CELF2: variants seen among roughly 807,000 people sequenced by gnomAD.
CELF2 encodes CUGBP Elav-like family member 2.
In CELF2, 8 loss-of-function variants were observed where a neutral mutation model predicts 62.6. That is an observed-to-expected ratio of 0.13 (90% confidence interval 0.07 to 0.23). The LOEUF (loss-of-function observed/expected upper bound fraction) is 0.23, where lower values mean the gene tolerates loss of function less well. Ranked by LOEUF, CELF2 falls within the 10% of genes least tolerant of loss-of-function variation. CELF2 has a pLI of 1.00. For synonymous variants in CELF2, 258 were observed against 250.0 expected, an observed-to-expected ratio of 1.03 and a Z score of -0.30; for missense variants, 333 against 671.0, an observed-to-expected ratio of 0.50 and a Z score of 5.56.
chr10:10,482,245 T>C, the CELF2 span, among the ~76,000 whole-genome samples: 1 of 152,220 alleles, frequency 6.6e-6, no homozygotes, highest in African/African-American at 2.4e-5. Context: ...GGTATGTTTT[T>C]TGCAACATTA....
intron 2 of CELF2, chr10:10,944,464 G>A (rs1007078485): frequency 6.6e-6 from 1 of 152,378 alleles, no homozygotes; most frequent in African/African-American, 2.4e-5. Flanking sequence ...GGGTGGAGTG[G>A]ATTTGAAATG....
Position 11,296,666 on chromosome 10 carries a change from T to C in CELF2, c.976+8114T>C, listed in dbSNP as rs528764866. 7.8e-4 allele frequency among the ~76,000 whole-genome samples: 118 copies of C among 152,132 alleles called. No homozygotes were observed. Among genetic ancestry groups the C allele is most frequent in the African/African-American group, 2.7e-3 (114 of 41,510 alleles). On this transcript the variant is annotated intron_variant, in intron 9 of 12. Coordinates refer to ENST00000633077, the MANE Select transcript of CELF2 (RefSeq NM_001326342.2). The surrounding 1 kb of genome is among the most constrained non-coding windows in gnomAD (Gnocchi z 5.0). ...ACCCGTCACCATCAACTAGATGCAT[T>C]GGCCACCTACAAACACAAGCAAAAT...
intron 3 of CELF2, among the ~76,000 whole-genome samples, chr10:11,218,422 C>T (rs2063889557): frequency 6.6e-6 from 1 of 152,176 alleles, no homozygotes. Context: ...ACACAAACAC[C>T]TCTGTGTATA....
chr10:11,299,627 A>G (rs1311726941), intron 9 of CELF2, among the ~76,000 whole-genome samples: 1 of 152,126 alleles, frequency 6.6e-6, no homozygotes, highest in Non-Finnish European at 1.5e-5. Context: ...CTCTTTTGTG[A>G]TCCACGTGAG....
chr10:10,913,539 T>C (rs1482265372), intron 1 of CELF2, among the ~76,000 whole-genome samples: 1 of 135,548 alleles, frequency 7.4e-6, no homozygotes, highest in Non-Finnish European at 1.5e-5. Context: ...TACAGGCATG[T>C]GCCACTACGC....
At chr10:11,201,952 C>T (rs554375861) in intron 2 of CELF2, among the ~76,000 whole-genome samples, 27 of 143,788 alleles carry the variant, frequency 1.9e-4, no homozygotes, top group Admixed American at 3.7e-4. Flanking sequence ...GTGGTGGACT[C>T]GGTGGTGAAA....
intron 2 of CELF2, among the ~76,000 whole-genome samples, chr10:11,212,740 T>TTG (rs1424761337): frequency 7.5e-6 from 1 of 134,184 alleles, no homozygotes; most frequent in East Asian, 2.0e-4. Flanking sequence ...GTTTTGGGTT[T>TTG]TTTTTTTTTT....
the CELF2 span, among the ~76,000 whole-genome samples, chr10:10,698,331 G>A: frequency 6.6e-5 from 10 of 152,244 alleles, 1 homozygote; most frequent in East Asian, 1.9e-3. Context: ...CTTTATGCAG[G>A]CGAACTGACT....
intron 3 of CELF2, among the ~76,000 whole-genome samples, chr10:11,221,710 T>C (rs2064934520): frequency 6.6e-6 from 1 of 152,242 alleles, no homozygotes; most frequent in Non-Finnish European, 1.5e-5. Flanking sequence ...GGAATCTAAA[T>C]GTCTTGTAAA....
chr10:11,080,015 C>T (rs1388699834), intron 1 of CELF2, among the ~76,000 whole-genome samples: 3 of 152,124 alleles, frequency 2.0e-5, no homozygotes, highest in African/African-American at 7.2e-5. Context: ...TTGTGAATTG[C>T]TCTCCGGTTT....
chr10:11,017,510 A>C (rs1233647558), upstream of CELF2, among the ~76,000 whole-genome samples: 1 of 152,150 alleles, frequency 6.6e-6, no homozygotes, highest in Non-Finnish European at 1.5e-5. The surrounding 1 kb of genome is among the most constrained non-coding windows in gnomAD (Gnocchi z 5.5). Flanking sequence ...TGCCCGGGCA[A>C]GCACACCACA....
the CELF2 span, among the ~76,000 whole-genome samples, chr10:10,561,103 C>T: frequency 6.6e-6 from 1 of 152,022 alleles, no homozygotes; most frequent in African/African-American, 2.4e-5. Context: ...CAGGCTCTCA[C>T]AAATATCCAC....
At chr10:10,531,831 C>T in the CELF2 span, among the ~76,000 whole-genome samples, 1 of 152,092 alleles carries the variant, frequency 6.6e-6, no homozygotes, top group Admixed American at 6.5e-5. Flanking sequence ...AATATCAATC[C>T]TGATGATAGT....
chr10:11,196,715 T>C (rs1037754272), intron 2 of CELF2, among the ~76,000 whole-genome samples: 14 of 151,398 alleles, frequency 9.2e-5, no homozygotes, highest in African/African-American at 1.2e-4. Flanking sequence ...CCCAGCACTT[T>C]GGGAGGCCAA....
intron 8 of CELF2, among the ~76,000 whole-genome samples, chr10:11,275,764 A>C (rs927527891): frequency 1.3e-5 from 2 of 152,240 alleles, no homozygotes; most frequent in Non-Finnish European, 2.9e-5. Context: ...GAGCTGCGCC[A>C]GTAGTAACTG....
At chr10:11,086,699 T>C (rs879533600) in intron 1 of CELF2, among the ~76,000 whole-genome samples, 2 of 150,194 alleles carry the variant, frequency 1.3e-5, no homozygotes, top group Non-Finnish European at 2.9e-5. Context: ...ACAGGGCTCA[T>C]TAATCTTGAT....
Position 11,301,706 on chromosome 10 carries a change from C to G in CELF2, c.977-12433C>G, listed in dbSNP as rs1039891788. Among the ~76,000 whole-genome samples, 13 of 150,970 alleles carry G rather than the reference C, an allele frequency of 8.6e-5. No individual in the cohort carries two copies. The East Asian group carries it at 2.6e-3, about 30-fold the overall frequency. ...AGAGGAACGGAGGGGTTCTCTGGCC[C>G]TGGCCCGGTGGCACCACGGCAGCAA... On this transcript the variant is annotated intron_variant, in intron 9 of 12. Transcript: ENST00000633077.
At chr10:11,163,209 C>T (rs1444440659) in intron 1 of CELF2, among the ~76,000 whole-genome samples, 1 of 152,188 alleles carries the variant, frequency 6.6e-6, no homozygotes, top group Non-Finnish European at 1.5e-5. Flanking sequence ...AATGCCACTC[C>T]CTTCTCCATT....
chr10:11,253,865 T>A, intron 4 of CELF2, among the ~76,000 whole-genome samples: 1 of 152,236 alleles, frequency 6.6e-6, no homozygotes, highest in East Asian at 1.9e-4. Flanking sequence ...TCCCTGCCCT[T>A]ATTCAGTGTC....
Sources: allele counts gnomAD v4.1 joint callset (sites outside exome capture counted in the v4.1 genomes callset), GRCh38; gene constraint gnomAD v4.1.1; non-coding constraint Gnocchi (gnomAD v3.1); transcripts MANE v1.5; gene names NCBI Gene and HGNC (gene_info 2026-07-23, HGNC 2026-07-21).